The following CFAP77 variants were observed in gnomAD, a reference collection of about 807,000 sequenced individuals.
CFAP77 encodes cilia and flagella associated protein 77.
A neutral mutation model predicts 31.1 loss-of-function variants in CFAP77; 25 were observed. That is an observed-to-expected ratio of 0.80 (90% CI 0.59 to 1.12). The LOEUF is 1.12. Among genes scored for constraint, CFAP77 ranks in the 50% most tolerant of loss-of-function variants. The probability of loss-of-function intolerance (pLI) is 0.00; values close to 1 mark genes in which losing one functional copy is unlikely to be tolerated. For synonymous variants in CFAP77, 151 were observed against 159.9 expected, an observed-to-expected ratio of 0.94 and a Z score of 0.42; for missense variants, 377 against 397.3, an observed-to-expected ratio of 0.95 and a Z score of 0.44.
At chr9:132,550,080 G>C (rs1461848536) in intron 5 of CFAP77, among the ~76,000 whole-genome samples, 1 of 152,222 alleles carries the variant, frequency 6.6e-6, no homozygotes, top group Non-Finnish European at 1.5e-5. Flanking sequence ...GAGTCTGGGA[G>C]TGTCTGTGGT....
At chr9:132,557,126 G>A (rs1852917657) in intron 5 of CFAP77, among the ~76,000 whole-genome samples, 1 of 152,126 alleles carries the variant, frequency 6.6e-6, no homozygotes, top group Admixed American at 6.5e-5. Context: ...TGCATCCTGG[G>A]GTGTGTGTGT....
chr9:132,563,578 C>T (rs998796537), intron 5 of CFAP77, among the ~76,000 whole-genome samples: 5 of 152,138 alleles, frequency 3.3e-5, no homozygotes, highest in African/African-American at 9.7e-5. Flanking sequence ...ATGGTACTAC[C>T]GTGAGGATTC....
chr9:132,496,164 T>C (rs1851739121), intron 1 of CFAP77, among the ~76,000 whole-genome samples: 1 of 152,210 alleles, frequency 6.6e-6, no homozygotes, highest in Non-Finnish European at 1.5e-5. Flanking sequence ...CTCACTTTTG[T>C]TGTGAACCTA....
chr9:132,519,681 T>A (rs1589902840), intron 3 of CFAP77, among the ~76,000 whole-genome samples: 1 of 59,732 alleles, frequency 1.7e-5, no homozygotes, highest in East Asian at 7.3e-4. Context: ...GATGGATGGA[T>A]GAGTGGGTGG....
At chr9:132,502,265 A>ATATTTT (rs1469260414) in intron 3 of CFAP77, among the ~76,000 whole-genome samples, 2 of 83,866 alleles carry the variant, frequency 2.4e-5, no homozygotes, top group African/African-American at 8.3e-5. Context: ...ATATATATAT[A>ATATTTT]TTTTTTTTTT....
At chr9:132,566,392 C>T (rs984395664) in intron 5 of CFAP77, among the ~76,000 whole-genome samples, 8 of 152,310 alleles carry the variant, frequency 5.3e-5, no homozygotes, top group Non-Finnish European at 1.0e-4. Context: ...ACGATGGTGC[C>T]GGCCTCCTCC....
At chr9:132,462,422 A>T (rs1387518736) in intron 1 of CFAP77, among the ~76,000 whole-genome samples, 1 of 152,174 alleles carries the variant, frequency 6.6e-6, no homozygotes, top group East Asian at 1.9e-4. Flanking sequence ...CCTCCTTTTT[A>T]AAATGGCTGT....
At chr9:132,478,878 G>A (rs1851397508) in intron 1 of CFAP77, among the ~76,000 whole-genome samples, 1 of 152,122 alleles carries the variant, frequency 6.6e-6, no homozygotes, top group Non-Finnish European at 1.5e-5. Flanking sequence ...ACAGAATGCT[G>A]TTCTTTTTCT....
intron 5 of CFAP77, among the ~76,000 whole-genome samples, chr9:132,562,056 C>T (rs1020484684): frequency 2.5e-4 from 38 of 152,196 alleles, no homozygotes; most frequent in African/African-American, 8.7e-4. Flanking sequence ...GAGGGGCCAT[C>T]GGGAAGTCAC....
At position 132,499,606 on chromosome 9, in the gene CFAP77, G is replaced by T; in HGVS notation, c.524+6G>T. 6.2e-7 allele frequency: 1 copy of T among 1,613,932 alleles called. No homozygotes were observed. The highest frequency in any genetic ancestry group is 8.5e-7 in the Non-Finnish European group (1 of 1,179,788). ...ACATTTGGGATCCGGGCACGGTAAG[G>T]TGGCTGGCAGCCAGGGCTTCATCCC... On this transcript the variant is annotated splice_donor_region_variant and intron_variant, in intron 3 of 5. Transcript: ENST00000393216. This position sits in a 1 kb window ranked among gnomAD's most constrained non-coding sequence, Gnocchi z 5.4.
chr9:132,492,521 A>G (rs512165), intron 1 of CFAP77, among the ~76,000 whole-genome samples: 84,707 of 152,148 alleles, frequency 0.56, 26,377 homozygotes, highest in African/African-American at 0.85. Flanking sequence ...ATGCCAGCTC[A>G]TGAAGTAGGA....
intron 3 of CFAP77, among the ~76,000 whole-genome samples, chr9:132,519,480 ATGAGTGGG>A (rs1852212902): frequency 1.4e-4 from 1 of 7,214 alleles, no homozygotes; most frequent in Non-Finnish European, 2.7e-4. Flanking sequence ...GGATGGATGG[ATGAGTGGG>A]TGGGTGGATG....
At chr9:132,444,078 A>G (rs757723500) in intron 1 of CFAP77, among the ~76,000 whole-genome samples, 1 of 152,228 alleles carries the variant, frequency 6.6e-6, no homozygotes, top group Non-Finnish European at 1.5e-5. Flanking sequence ...AGCAGCCACC[A>G]GGGTGAAGGC....
At position 132,501,055 on chromosome 9, in the gene CFAP77, A is replaced by G. The variant is rs559114015; in HGVS notation, c.524+1455A>G. Among the ~76,000 whole-genome samples the G allele has an allele frequency of 2.0e-5, 3 of 152,372 alleles. No homozygotes were observed. The highest frequency in any genetic ancestry group is 7.2e-5 in the African/African-American group (3 of 41,582). On this transcript the variant is annotated intron_variant, in intron 3 of 5. Coordinates refer to ENST00000393216, the MANE Select transcript of CFAP77 (RefSeq NM_001282957.2). This position sits in a 1 kb window ranked among gnomAD's most constrained non-coding sequence, Gnocchi z 4.6. ...AACACACAGATGAAATGAGCCAGACATGACCCATGTCCCAACCCTGGCACA... is the reference window on the plus strand; with the variant it reads ...AACACACAGATGAAATGAGCCAGACGTGACCCATGTCCCAACCCTGGCACA...
intron 1 of CFAP77, among the ~76,000 whole-genome samples, chr9:132,475,741 C>T (rs1409681633): frequency 2.0e-5 from 3 of 152,190 alleles, no homozygotes; most frequent in Non-Finnish European, 4.4e-5. Context: ...AGTTCAGACT[C>T]TTGTCACCTC....
intron 1 of CFAP77, among the ~76,000 whole-genome samples, chr9:132,451,535 G>A (rs1425699858): frequency 1.3e-5 from 2 of 152,016 alleles, no homozygotes; most frequent in Non-Finnish European, 2.9e-5. Flanking sequence ...GTGTACAGGA[G>A]TCATTTGAAC....
At chr9:132,461,701 C>T (rs1035999062) in intron 1 of CFAP77, among the ~76,000 whole-genome samples, 1 of 152,214 alleles carries the variant, frequency 6.6e-6, no homozygotes, top group African/African-American at 2.4e-5. Flanking sequence ...CCCCTGGGCC[C>T]TTCCCAGGCC....
At chr9:132,482,568 TG>T (rs1264744368) in intron 1 of CFAP77, 3 of 666,246 alleles carry the variant, frequency 4.5e-6, no homozygotes, top group Non-Finnish European at 5.3e-6. Context: ...CGCCATGGGG[TG>T]GGGACGGTTA....
chr9:132,500,425 A>G (rs1851823053), intron 3 of CFAP77, among the ~76,000 whole-genome samples: 1 of 152,244 alleles, frequency 6.6e-6, no homozygotes, highest in Non-Finnish European at 1.5e-5. Context: ...CCTGGCCTAC[A>G]AAGGGCACTC....
Sources: gnomAD v4.1 joint callset for allele counts (sites outside exome capture counted in the v4.1 genomes callset) on GRCh38, gnomAD v4.1.1 for gene constraint, Gnocchi (gnomAD v3.1) non-coding constraint, MANE v1.5 for transcripts, NCBI Gene and HGNC (gene_info 2026-07-23, HGNC 2026-07-21) for gene names.